The following CTNNA2 variants were observed in gnomAD, a reference collection of about 807,000 sequenced individuals.
The protein encoded by CTNNA2 is catenin alpha 2, also known as catenin alpha-2.
CTNNA2 carries 42 observed loss-of-function variants against 101.0 expected under a neutral mutation model. That is an observed-to-expected ratio of 0.42 (90% CI 0.32 to 0.54). CTNNA2 has a LOEUF of 0.54. CTNNA2 is among the 20% of genes least tolerant of loss of function. The pLI, the probability that CTNNA2 is intolerant of heterozygous loss-of-function variation, is 0.14. For synonymous variants in CTNNA2, 450 were observed against 456.4 expected, an observed-to-expected ratio of 0.99 and a Z score of 0.18; for missense variants, 871 against 1,223.1, an observed-to-expected ratio of 0.71 and a Z score of 4.29.
At chr2:79,999,554 G>A (rs1239780748) in intron 7 of CTNNA2, among the ~76,000 whole-genome samples, 3 of 151,912 alleles carry the variant, frequency 2.0e-5, no homozygotes, top group Non-Finnish European at 4.4e-5. Context: ...CATTTCACAA[G>A]CCTAGATTCT....
chr2:80,032,572 T>G (rs971885411), intron 7 of CTNNA2, among the ~76,000 whole-genome samples: 1 of 152,086 alleles, frequency 6.6e-6, no homozygotes, highest in East Asian at 1.9e-4. Flanking sequence ...ACTACTAATA[T>G]GACAAAATAT....
chr2:79,750,461 T>C (rs567055266), intron 3 of CTNNA2, among the ~76,000 whole-genome samples: 86 of 152,360 alleles, frequency 5.6e-4, no homozygotes, highest in African/African-American at 2.0e-3. Context: ...TTATCAGCCC[T>C]GCTTAGATTA....
intron 1 of CTNNA2, among the ~76,000 whole-genome samples, chr2:79,523,656 A>G (rs892437224): frequency 2.0e-5 from 3 of 152,216 alleles, no homozygotes; most frequent in African/African-American, 7.2e-5. Context: ...TGTGAATTTT[A>G]AATTGTAATA....
intron 7 of CTNNA2, among the ~76,000 whole-genome samples, chr2:79,959,732 A>C (rs1344789156): frequency 2.6e-5 from 4 of 152,228 alleles, no homozygotes; most frequent in Non-Finnish European, 5.9e-5. Context: ...AAGTAGGAGC[A>C]GTGAGATTTG....
At chr2:79,839,653 G>T (rs1006954866) in intron 3 of CTNNA2, among the ~76,000 whole-genome samples, 3 of 151,316 alleles carry the variant, frequency 2.0e-5, no homozygotes, top group Non-Finnish European at 4.4e-5. Context: ...AATTTCTTCA[G>T]CTATCTTCTA....
chr2:79,974,515 A>G (rs554158841), intron 7 of CTNNA2, among the ~76,000 whole-genome samples: 1 of 152,280 alleles, frequency 6.6e-6, no homozygotes, highest in Admixed American at 6.5e-5. Flanking sequence ...GACCACATTT[A>G]AGTAAAGTTC....
chr2:79,410,063 A>G (rs1479518108), intron 4 of CTNNA2, among the ~76,000 whole-genome samples: 1 of 149,386 alleles, frequency 6.7e-6, no homozygotes, highest in African/African-American at 2.5e-5. Context: ...CTTTGAAGCA[A>G]TTGTGAATGG....
At chr2:80,241,848 A>T (rs1030927435) in intron 7 of CTNNA2, among the ~76,000 whole-genome samples, 1 of 152,172 alleles carries the variant, frequency 6.6e-6, no homozygotes, top group Non-Finnish European at 1.5e-5. Flanking sequence ...ACTTTAGTAT[A>T]ATCTATTGAT....
intron 7 of CTNNA2, among the ~76,000 whole-genome samples, chr2:80,010,138 G>A (rs1286669187): frequency 6.6e-6 from 1 of 152,108 alleles, no homozygotes; most frequent in Non-Finnish European, 1.5e-5. Context: ...TTTTATCCGT[G>A]AGCAGAGTAA....
At chr2:80,552,442 T>C (rs1200813170) in intron 11 of CTNNA2, among the ~76,000 whole-genome samples, 2 of 152,214 alleles carry the variant, frequency 1.3e-5, no homozygotes, top group African/African-American at 2.4e-5. Flanking sequence ...GTAGTAGCTT[T>C]TACATGTCTG....
intron 18 of CTNNA2, among the ~76,000 whole-genome samples, chr2:80,620,855 C>T (rs1039408640): frequency 2.6e-5 from 4 of 152,026 alleles, no homozygotes; most frequent in South Asian, 4.2e-4. Context: ...CTTTAAACTT[C>T]GTGAGTTAAG....
chr2:79,195,963 G>A (rs529417326), intron 1 of CTNNA2: 25 of 417,366 alleles, frequency 6.0e-5, no homozygotes, highest in African/African-American at 4.4e-4. Context: ...ATGAGATGGA[G>A]TCTCGATCTG....
intron 7 of CTNNA2, among the ~76,000 whole-genome samples, chr2:79,951,353 AATTTACCCCTGC>A (rs1688867109): frequency 6.6e-6 from 1 of 152,170 alleles, no homozygotes; most frequent in Admixed American, 6.5e-5. Flanking sequence ...CCAATAATTA[AATTTACCCCTGC>A]ATTTAAAATA....
At chr2:80,040,876 A>G (rs957620946) in intron 7 of CTNNA2, among the ~76,000 whole-genome samples, 3 of 152,220 alleles carry the variant, frequency 2.0e-5, no homozygotes, top group African/African-American at 7.2e-5. Context: ...ATAATGAGTA[A>G]AAGATATATG....
chr2:80,208,438 A>ATT (rs1707668261), intron 7 of CTNNA2, among the ~76,000 whole-genome samples: 1 of 152,198 alleles, frequency 6.6e-6, no homozygotes, highest in South Asian at 2.1e-4. Flanking sequence ...ACTGCTAACA[A>ATT]TTATAAGGAA....
intron 2 of CTNNA2, among the ~76,000 whole-genome samples, chr2:79,267,978 A>G (rs1386011406): frequency 6.6e-6 from 1 of 152,116 alleles, no homozygotes; most frequent in Non-Finnish European, 1.5e-5. Flanking sequence ...GAATTCACTT[A>G]TTATCAAAGC....
chr2:79,508,982 T>TGAACA (rs1671474633), upstream of CTNNA2, among the ~76,000 whole-genome samples: 1 of 39,636 alleles, frequency 2.5e-5, no homozygotes, highest in African/African-American at 1.1e-4. Flanking sequence ...TATATATATA[T>TGAACA]ATATATATAT....
intron 2 of CTNNA2, among the ~76,000 whole-genome samples, chr2:79,713,135 A>C (rs941988584): frequency 1.3e-5 from 2 of 152,234 alleles, no homozygotes; most frequent in African/African-American, 4.8e-5. Context: ...TAAAACATTG[A>C]ATCATGCTAT....
intron 3 of CTNNA2, among the ~76,000 whole-genome samples, chr2:79,814,638 C>CACACACACACACACACACACACATAT (rs145584853): frequency 1.1e-4 from 16 of 147,064 alleles, no homozygotes; most frequent in African/African-American, 2.8e-4. Flanking sequence ...CACACACACA[C>CACACACACACACACACACACACATAT]ATATATATAT....
Sources: gnomAD v4.1 joint callset for allele counts (sites outside exome capture counted in the v4.1 genomes callset) on GRCh38, gnomAD v4.1.1 for gene constraint, MANE v1.5 for transcripts, NCBI Gene and HGNC (gene_info 2026-07-23, HGNC 2026-07-21) for gene names.